Variants in CLCN6 observed in about 807,000 individuals in gnomAD.
The protein encoded by CLCN6 is H(+)/Cl(-) exchange transporter 6.
In CLCN6, 70 loss-of-function variants were observed where a neutral mutation model predicts 109.8. The ratio of observed to expected loss-of-function variants is 0.64; its 90% CI spans 0.53 to 0.78. The LOEUF is 0.78. Ranked by LOEUF, CLCN6 falls within the 30% of genes least tolerant of loss-of-function variation. The probability of loss-of-function intolerance (pLI) is 0.00; values close to 1 mark genes in which losing one functional copy is unlikely to be tolerated. For missense variants in CLCN6, 984 were observed against 1,142.3 expected, an observed-to-expected ratio of 0.86 and a Z score of 2.00; for synonymous variants, 444 against 447.8, an observed-to-expected ratio of 0.99 and a Z score of 0.11.
At chr1:11,807,109 C>T (rs1188354823) in intron 1 of CLCN6, 22 bp from the exon 2 acceptor site, 1 of 1,612,902 alleles carries the variant, frequency 6.2e-7, no homozygotes, top group Non-Finnish European at 8.5e-7. Context: ...AAAAGGCTCC[C>T]TCTGCGGATC....
rs1378419150 is a variant in CLCN6 at position 11,842,310 on chromosome 1, A to G, written c.*2087A>G. 1 of 152,702 alleles carries G rather than the reference A, an allele frequency of 6.5e-6. No individual in the cohort carries two copies. Among genetic ancestry groups the G allele is most frequent in the East Asian group, 1.9e-4 (1 of 5,206 alleles). The allele number at this position is 152,702 out of a possible 1,614,324, so 9.5% of individuals were successfully genotyped here. ...TATTTTGTTCCCATCAGTTTAGCCC[A>G]GAGATAGACAGTAGAATGCAAATAC... On this transcript the variant is annotated 3_prime_UTR_variant, in exon 23 of 23. Transcript: ENST00000346436.
chr1:11,811,851 A>G (rs1284588584), intron 2 of CLCN6, among the ~76,000 whole-genome samples: 3 of 152,118 alleles, frequency 2.0e-5, no homozygotes, highest in Admixed American at 6.6e-5. Flanking sequence ...TTACGGAACC[A>G]TATCATTATT....
At chr1:11,814,030 AC>A (rs1557779372) in intron 2 of CLCN6, among the ~76,000 whole-genome samples, 1 of 152,086 alleles carries the variant, frequency 6.6e-6, no homozygotes, top group Non-Finnish European at 1.5e-5. Context: ...ACTTGTTGGT[AC>A]TCCAGGACTC....
rs576300278 is a variant in CLCN6, at chr1:11,834,554, C to A, written c.1757C>A (p.Pro586Gln). 1 of 1,614,072 alleles carries A rather than the reference C, an allele frequency of 6.2e-7. No homozygotes were observed. The highest frequency in any genetic ancestry group is 8.5e-7 in the Non-Finnish European group (1 of 1,180,022). Residue 586 changes from proline to glutamine, a missense_variant, in exon 17 of 23, where the codon CCG (proline) becomes CAG (glutamine). By Grantham distance (76) the Pro-to-Gln change is moderately conservative. Transcript: ENST00000346436. The surrounding 1 kb of genome is among the most constrained non-coding windows in gnomAD (Gnocchi z 4.5). ...YDIHVGLRGV[P>Q]LLEWETEVEM... ...ATCCACGTGGGCCTGCGAGGCGTGC[C>A]GCTTCTGGAATGGGAGACAGAGGTG... is the stretch of plus-strand genomic sequence containing the variant.
chr1:11,827,430 CT>C (rs59015951), intron 10 of CLCN6, among the ~76,000 whole-genome samples: 2,063 of 104,984 alleles, frequency 0.02, 18 homozygotes, highest in African/African-American at 0.072. Context: ...ACCGCTGTTA[CT>C]TTTTTTTTTT....
chr1:11,829,815 C>T (rs1279045586), intron 13 of CLCN6: 1 of 166,524 alleles, frequency 6.0e-6, no homozygotes, highest in South Asian at 1.2e-4. Context: ...GAGGGCAACT[C>T]CTCTCTGTTG....
At chr1:11,838,199 A>G (rs1248658963) in intron 20 of CLCN6, 136 bp from the exon 21 acceptor site, 4 of 766,204 alleles carry the variant, frequency 5.2e-6, no homozygotes, top group Non-Finnish European at 8.7e-6. Flanking sequence ...CTCACTCTGG[A>G]GCGCTTGCTG....
At position 11,836,134 on chromosome 1, in the gene CLCN6, G is replaced by A. The variant is rs151185565; in HGVS notation, c.1961G>A (p.Ser654Asn). The change falls in exon 18 of 23, where the codon AGC becomes AAC. Residue 654 changes from serine to asparagine, a missense_variant. Physicochemically the swap from Ser to Asn is conservative, Grantham distance 46. Coordinates refer to ENST00000346436, the MANE Select transcript of CLCN6 (RefSeq NM_001286.5). Reference sequence around the variant, plus strand: ...TTCATGAAGGGCAACCAGCTCATCAGCAACAACATCAAGTTCAAGGTAAAG... The same window carrying A: ...TTCATGAAGGGCAACCAGCTCATCAACAACAACATCAAGTTCAAGGTAAAG... ...KEFMKGNQLI[S>N]NNIKFKKSSI... The A allele has an allele frequency of 1.4e-5, 22 of 1,612,734 alleles. No homozygotes were observed. Among genetic ancestry groups the A allele is most frequent in the Non-Finnish European group, 1.8e-5 (21 of 1,179,684 alleles).
rs771219641 is a variant in CLCN6, at chr1:11,834,036, CTG to C, written c.1526+15_1526+16del. 10 of 1,613,772 alleles carry C rather than the reference CTG, an allele frequency of 6.2e-6. No individual in the cohort carries two copies. Among genetic ancestry groups the C allele is most frequent in the East Asian group, 2.2e-5 (1 of 44,882 alleles). ...GTTGCCAATGTCCTAAAAAGGTACT[CTG>C]TGTGTGTGCGTGTGTGTGCGCATGT... On this transcript the variant is annotated splice_region_variant and intron_variant, in intron 15 of 22. Transcript: ENST00000346436. This position sits in a 1 kb window ranked among gnomAD's most constrained non-coding sequence, Gnocchi z 4.5.
At chr1:11,817,424 G>A (rs929084839) in intron 4 of CLCN6, among the ~76,000 whole-genome samples, 6 of 152,224 alleles carry the variant, frequency 3.9e-5, no homozygotes, top group African/African-American at 1.4e-4. Flanking sequence ...CTAGAAGATA[G>A]AGCCAGCAGC....
At chr1:11,826,529 T>G (rs1644813826) in intron 9 of CLCN6, among the ~76,000 whole-genome samples, 1 of 152,194 alleles carries the variant, frequency 6.6e-6, no homozygotes, top group Non-Finnish European at 1.5e-5. Context: ...CCCCAGTGAT[T>G]CACTTGGTCA....
intron 18 of CLCN6, among the ~76,000 whole-genome samples, chr1:11,836,647 G>T (rs903632421): frequency 6.6e-6 from 1 of 151,624 alleles, no homozygotes; most frequent in Admixed American, 6.6e-5. Context: ...AGAATCCAGG[G>T]AGAGGGGGTA....
intron 13 of CLCN6, 61 bp downstream of exon 13, chr1:11,829,383 G>C: frequency 6.3e-7 from 1 of 1,595,612 alleles, no homozygotes; most frequent in Admixed American, 1.7e-5. Flanking sequence ...AGAAATGTAT[G>C]ACCTTCCTCT....
At chr1:11,809,263 A>C (rs987672302) in intron 2 of CLCN6, among the ~76,000 whole-genome samples, 1 of 152,144 alleles carries the variant, frequency 6.6e-6, no homozygotes, top group Non-Finnish European at 1.5e-5. Context: ...GCACTCCCTC[A>C]CTGAACCCTG....
intron 8 of CLCN6, among the ~76,000 whole-genome samples, chr1:11,825,404 A>G (rs1644799033): frequency 6.6e-6 from 1 of 152,256 alleles, no homozygotes; most frequent in African/African-American, 2.4e-5. Flanking sequence ...GACAGAGGAC[A>G]GGCTCTGGGC....
At position 11,807,320 on chromosome 1, in the gene CLCN6, C is replaced by A. The variant is rs983108659; in HGVS notation, c.147+130C>A. The A allele has an allele frequency of 5.3e-6, 4 of 752,668 alleles. No homozygotes were observed. The Admixed American group carries it at 9.6e-5, about 18-fold the overall frequency. The allele number at this position is 752,668 out of a possible 1,614,324, so 46.6% of individuals were successfully genotyped here. On this transcript the variant is annotated intron_variant, in intron 2 of 22. Transcript: ENST00000346436. ...CCCAGGGAGTGAGTGGGTAAGAGAACTTCCTTCTAGGAAAGAGACTGTTTA... is the reference window on the plus strand; with the variant it reads ...CCCAGGGAGTGAGTGGGTAAGAGAAATTCCTTCTAGGAAAGAGACTGTTTA...
In CLCN6 at chr1:11,838,361, TGCCGAGATG is replaced by T; in HGVS notation, c.2329_2337del (p.Met777_Glu779del). 6.2e-7 allele frequency: 1 copy of T among 1,612,794 alleles called. No homozygotes were observed. Among genetic ancestry groups the T allele is most frequent in the Middle Eastern group, 1.6e-4 (1 of 6,062 alleles). On this transcript the variant is annotated inframe_deletion, in exon 21 of 23. Coordinates refer to ENST00000346436, the MANE Select transcript of CLCN6 (RefSeq NM_001286.5). ...GCGCCAGCCAGCCGCGCCTCTCCTA[TGCCGAGATG>T]GCCGAGGACTACCCGCGGTACCCCG...
intron 13 of CLCN6, among the ~76,000 whole-genome samples, chr1:11,831,500 G>A (rs76033082): frequency 0.037 from 5,635 of 152,166 alleles, 155 homozygotes; most frequent in Middle Eastern, 0.078. Context: ...AGAATATGCC[G>A]CAGAGACTGT....
rs1479659269 is a variant in CLCN6 at position 11,837,563 on chromosome 1, T to G, written c.2295+64T>G. On this transcript the variant is annotated intron_variant, in intron 20 of 22. Transcript: ENST00000346436. ...TGACGAAGCTCGAGGGGTTGGGCGC[T>G]GCCGGCGGGCCGTGAACAGTGCCAT... 1.9e-6 allele frequency: 3 copies of G among 1,541,462 alleles called. No individual in the cohort carries two copies. The African/African-American group carries it at 4.1e-5, about 21-fold the overall frequency.
Sources: gnomAD v4.1 joint callset for allele counts (sites outside exome capture counted in the v4.1 genomes callset) on GRCh38, gnomAD v4.1.1 for gene constraint, Gnocchi (gnomAD v3.1) non-coding constraint, MANE v1.5 for transcripts, NCBI Gene and HGNC (gene_info 2026-07-23, HGNC 2026-07-21) for gene names.